DHCR24: variants seen among roughly 807,000 people sequenced by gnomAD.
DHCR24 encodes the protein 24-dehydrocholesterol reductase.
Under a neutral mutation model 61.2 loss-of-function variants are expected in DHCR24, and 28 were observed. The ratio of observed to expected loss-of-function variants is 0.46; its 90% CI spans 0.34 to 0.63. DHCR24 has a LOEUF of 0.63. Ranked by LOEUF, DHCR24 falls within the 20% of genes least tolerant of loss-of-function variation. The pLI is 0.01. For missense variants in DHCR24, 538 were observed against 679.1 expected (o/e 0.79, Z 2.31); for synonymous variants, 261 against 275.9 (o/e 0.95, Z 0.54).
At chr1:54,857,102 C>T (rs1646911905) in intron 6 of DHCR24, among the ~76,000 whole-genome samples, 1 of 152,216 alleles carries the variant, frequency 6.6e-6, no homozygotes, top group African/African-American at 2.4e-5. Context: ...CAGTCTTAGC[C>T]TCAGAAAGTT....
At chr1:54,870,526 T>G (rs1050110510) in intron 5 of DHCR24, among the ~76,000 whole-genome samples, 1 of 152,252 alleles carries the variant, frequency 6.6e-6, no homozygotes, top group Non-Finnish European at 1.5e-5. Context: ...TATAACCCTA[T>G]GCACATCCTC....
intron 4 of DHCR24, 81 bp downstream of exon 4, chr1:54,875,012 C>G (rs1206344522): frequency 1.6e-6 from 2 of 1,241,332 alleles, no homozygotes; most frequent in Non-Finnish European, 2.4e-6. Context: ...TGAAGCACAC[C>G]TAGAGGAGCC....
intron 6 of DHCR24, among the ~76,000 whole-genome samples, chr1:54,859,119 GTC>G (rs1369995316): frequency 6.6e-6 from 1 of 152,120 alleles, no homozygotes; most frequent in African/African-American, 2.4e-5. Context: ...CTCTTCCTTG[GTC>G]TCTCTCTTGG....
intron 6 of DHCR24, among the ~76,000 whole-genome samples, chr1:54,858,918 A>T (rs1646921691): frequency 6.6e-6 from 1 of 152,134 alleles, no homozygotes; most frequent in Non-Finnish European, 1.5e-5. Flanking sequence ...TGCAGGTGTA[A>T]GCCACTGCGC....
chr1:54,886,580 T>C (rs1440307250), intron 1 of DHCR24: 2 of 1,402,600 alleles, frequency 1.4e-6, no homozygotes, highest in Admixed American at 4.3e-5. Context: ...CCCGGAAGCC[T>C]TTCCTTCTCT....
chr1:54,863,052 G>T (rs1431580387), intron 6 of DHCR24, among the ~76,000 whole-genome samples: 1 of 146,064 alleles, frequency 6.8e-6, no homozygotes, highest in Non-Finnish European at 1.5e-5. Context: ...TCCAGCCTGG[G>T]TGACAGAGCA....
At chr1:54,881,612 A>T (rs1038653134) in intron 2 of DHCR24, among the ~76,000 whole-genome samples, 1 of 152,328 alleles carries the variant, frequency 6.6e-6, no homozygotes, top group East Asian at 1.9e-4. Context: ...CAGAAGCAGC[A>T]TTTGACCCAG....
chr1:54,856,724 C>T (rs1192104885), intron 6 of DHCR24, among the ~76,000 whole-genome samples: 6 of 152,310 alleles, frequency 3.9e-5, no homozygotes, highest in South Asian at 2.1e-4. Flanking sequence ...TAATATACTT[C>T]GTATATGTTA....
chr1:54,852,504 TA>T, intron 8 of DHCR24, 118 bp from the exon 9 acceptor site: 1 of 1,077,090 alleles, frequency 9.3e-7, no homozygotes, highest in South Asian at 1.3e-5. Context: ...TTCTCTTGTT[TA>T]ACCCCGTTAA....
At chr1:54,853,760 A>C (rs2101555272) in intron 7 of DHCR24, 148 bp from the exon 8 acceptor site, 1 of 991,088 alleles carries the variant, frequency 1.0e-6, no homozygotes, top group Non-Finnish European at 1.5e-6. Context: ...CCCGCCCCCC[A>C]GCCCTGGCTG....
At chr1:54,870,011 C>T (rs550220542) in intron 5 of DHCR24, among the ~76,000 whole-genome samples, 237 of 151,402 alleles carry the variant, frequency 1.6e-3, no homozygotes, top group African/African-American at 5.1e-3. Context: ...GCTGAGATCA[C>T]GCGCTGCACT....
chr1:54,879,302 G>A (rs965142507), intron 2 of DHCR24, among the ~76,000 whole-genome samples: 6 of 119,546 alleles, frequency 5.0e-5, no homozygotes, highest in Non-Finnish European at 9.6e-5. Flanking sequence ...CAACCTGGAG[G>A]ACAGAGCAAG....
chr1:54,858,566 T>C (rs1160454257), intron 6 of DHCR24, among the ~76,000 whole-genome samples: 7 of 152,262 alleles, frequency 4.6e-5, no homozygotes, highest in Admixed American at 2.0e-4. Context: ...CAGTGTTTAC[T>C]TAACAGAACA....
At chr1:54,885,865 G>A (rs1647091739) in intron 1 of DHCR24, among the ~76,000 whole-genome samples, 1 of 152,136 alleles carries the variant, frequency 6.6e-6, no homozygotes, top group African/African-American at 2.4e-5. Flanking sequence ...CAGGTGGGGA[G>A]GGAGGACACG....
rs372744843 is a variant in DHCR24, at chr1:54,886,925, G to C, written c.195C>G (p.Arg65=). The C allele has an allele frequency of 1.9e-6, 3 of 1,613,378 alleles. No individual in the cohort carries two copies. Among genetic ancestry groups the C allele is most frequent in the Non-Finnish European group, 2.5e-6 (3 of 1,179,618 alleles). The change falls in exon 1 of 9, where the codon CGC becomes CGG. Residue 65 remains arginine (R), a synonymous_variant. Coordinates refer to ENST00000371269, the MANE Select transcript of DHCR24 (RefSeq NM_014762.4). ...TGTCCCGCACGCGCTGCTCGTGCAG[G>C]CGCGGAGCGCTGCTGAGCTTGAACA... ...WVVFKLSSAP[R]LHEQRVRDIQ...
chr1:54,886,712 T>TTCCCCC, intron 1 of DHCR24, 177 bp downstream of exon 1: 3 of 1,437,126 alleles, frequency 2.1e-6, no homozygotes, highest in South Asian at 1.2e-5. Flanking sequence ...CCTGTTCTGT[T>TTCCCCC]CCCCCGCCCC....
chr1:54,867,684 CCT>C (rs1646974721), intron 5 of DHCR24, among the ~76,000 whole-genome samples: 1 of 152,108 alleles, frequency 6.6e-6, no homozygotes, highest in Admixed American at 6.5e-5. Flanking sequence ...CTTTCCTACC[CCT>C]GAGAGCCTCA....
chr1:54,865,203 C>CT lies in DHCR24; in HGVS notation c.1020+99dup, dbSNP rs1202708381. 5 of 1,474,446 alleles carry CT rather than the reference C, an allele frequency of 3.4e-6. No individual in the cohort carries two copies. The Admixed American group carries it at 5.9e-5, about 17-fold the overall frequency. The allele number at this position is 1,474,446 out of a possible 1,614,324, so 91.3% of individuals were successfully genotyped here. Reference sequence around the variant, plus strand: ...TGCAGTTCCTTAGGACAAAGCCACTCTTTACCCTGAAGGGAGAGAGTATGG... The same window carrying CT: ...TGCAGTTCCTTAGGACAAAGCCACTCTTTTACCCTGAAGGGAGAGAGTATGG... On this transcript the variant is annotated intron_variant, in intron 6 of 8. Transcript: ENST00000371269.
intron 6 of DHCR24, among the ~76,000 whole-genome samples, chr1:54,856,127 C>T (rs562825332): frequency 6.6e-6 from 1 of 152,308 alleles, no homozygotes; most frequent in East Asian, 1.9e-4. Context: ...CTACTGCCTT[C>T]GGTTGTGGGT....
Sources: allele counts gnomAD v4.1 joint callset (sites outside exome capture counted in the v4.1 genomes callset), GRCh38; gene constraint gnomAD v4.1.1; transcripts MANE v1.5; gene names NCBI Gene and HGNC (gene_info 2026-07-23, HGNC 2026-07-21).